PALB2: variants seen among roughly 807,000 people sequenced by gnomAD.
PALB2 encodes the protein mutant partner and localizer of BRCA2.
In PALB2, 82 loss-of-function variants were observed where a neutral mutation model predicts 107.4. The ratio of observed to expected loss-of-function variants is 0.76; its 90% CI spans 0.64 to 0.92. PALB2 has a LOEUF of 0.92. Among genes scored for constraint, PALB2 ranks in the 40% least tolerant of loss-of-function variants. The probability of loss-of-function intolerance (pLI) is 0.00; values close to 1 mark genes in which losing one functional copy is unlikely to be tolerated. For synonymous variants in PALB2, 489 were observed against 496.8 expected, an observed-to-expected ratio of 0.98 and a Z score of 0.21; for missense variants, 1,374 against 1,379.9, an observed-to-expected ratio of 1.00 and a Z score of 0.07.
chr16:23,639,474 C>T lies in PALB2; in HGVS notation c.49-1345G>A, dbSNP rs1003728916. ...CGGAGGTTGCAGTGGGCCTAGATCA[C>T]GCCACTGCACTCCAGCCTGGGCAAC... On this transcript the variant is annotated intron_variant, in intron 1 of 12. Transcript: ENST00000261584. Among the ~76,000 whole-genome samples, 3 of 142,152 alleles carry T rather than the reference C, an allele frequency of 2.1e-5. No homozygotes were observed. In the South Asian group the frequency reaches 6.8e-4, roughly 32 times the overall value. The allele number at this position is 142,152 out of a possible 152,430, so 93.3% of individuals were successfully genotyped here. A position where few individuals can be genotyped will look rare whatever the true frequency, so the allele number is the denominator to read the frequency against.
chr16:23,607,176 T>A (rs547230476), intron 12 of PALB2: 2 of 152,464 alleles, frequency 1.3e-5, no homozygotes, highest in Non-Finnish European at 1.5e-5. Context: ...TCAGTCAGAT[T>A]TCAAAGTAAA....
In PALB2 at chr16:23,623,839, A is replaced by G. The variant is rs1220142699; in HGVS notation, c.2834+170T>C. ...CAGCCTAGGTTCACATTTTAAATAGAAACTTCAGTCAGGGATGTCATTCTA... is the reference window on the plus strand; with the variant it reads ...CAGCCTAGGTTCACATTTTAAATAGGAACTTCAGTCAGGGATGTCATTCTA... On this transcript the variant is annotated intron_variant, in intron 8 of 12. Coordinates refer to ENST00000261584, the MANE Select transcript of PALB2 (RefSeq NM_024675.4). 4.8e-6 allele frequency: 3 copies of G among 624,054 alleles called. No homozygotes were observed. In the African/African-American group the frequency reaches 5.5e-5, roughly 12 times the overall value. 38.7% of individuals were successfully genotyped at this position (624,054 alleles called of 1,614,324 possible). A position where few individuals can be genotyped will look rare whatever the true frequency, so the allele number is the denominator to read the frequency against.
chr16:23,638,136 GAAGA>G lies in PALB2; in HGVS notation c.49-11_49-8del. On this transcript the variant is annotated splice_polypyrimidine_tract_variant and splice_region_variant and intron_variant, in intron 1 of 12. Transcript: ENST00000261584. ...ATGCTAATTTCTCCTTTAACTGGAAGAAGAAAAACACCAACAATACTGGGCAAGT... is the reference window on the plus strand; with the variant it reads ...ATGCTAATTTCTCCTTTAACTGGAAGAAAACACCAACAATACTGGGCAAGT... 1 of 1,612,458 alleles carries G rather than the reference GAAGA, an allele frequency of 6.2e-7. No homozygotes were observed. The highest frequency in any genetic ancestry group is 8.5e-7 in the Non-Finnish European group (1 of 1,178,466).
At chr16:23,620,795 G>A (rs954563902) in intron 10 of PALB2, among the ~76,000 whole-genome samples, 6 of 152,312 alleles carry the variant, frequency 3.9e-5, no homozygotes, top group Admixed American at 2.0e-4. Context: ...CAATCAGGCC[G>A]GGCGCAGTGG....
chr16:23,634,058 A>G (rs1443253102), intron 4 of PALB2, among the ~76,000 whole-genome samples: 1 of 152,144 alleles, frequency 6.6e-6, no homozygotes. Context: ...AACACTTTCT[A>G]TGTTAGCTGT....
chr16:23,622,997 C>A lies in PALB2; in HGVS notation c.2968G>T (p.Glu990Ter), dbSNP rs876659036. 6.2e-7 allele frequency: 1 copy of A among 1,614,158 alleles called. No homozygotes were observed. The highest frequency in any genetic ancestry group is 2.2e-5 in the East Asian group (1 of 44,882). Reference sequence around the variant, plus strand: ...CCATCTTCTGCAAACGTCATGACTTCTACTTGTTGATCAGAAAGGGTCCCA... The same window carrying A: ...CCATCTTCTGCAAACGTCATGACTTATACTTGTTGATCAGAAAGGGTCCCA... ...SSGTLSDQQV[E>*]VMTFAEDGGG... The change falls in exon 9 of 13, where the codon GAA becomes TAA. Residue 990 changes from glutamate to a stop codon, truncating the protein, a stop_gained. Coordinates refer to ENST00000261584, the MANE Select transcript of PALB2 (RefSeq NM_024675.4). LOFTEE classifies it high-confidence loss of function.
chr16:23,623,216 T>C (rs1309893838), intron 8 of PALB2, 86 bp from the exon 9 acceptor site: 1 of 1,284,564 alleles, frequency 7.8e-7, no homozygotes, highest in Admixed American at 2.2e-5. Flanking sequence ...TTTTTTTTTT[T>C]TTTTTGAGAC....
At chr16:23,637,372 G>GA (rs1967087780) in intron 3 of PALB2, among the ~76,000 whole-genome samples, 1 of 152,006 alleles carries the variant, frequency 6.6e-6, no homozygotes, top group African/African-American at 2.4e-5. Flanking sequence ...TGAAAATAGA[G>GA]ACTATAGATT....
chr16:23,636,084 T>A lies in PALB2; in HGVS notation c.462A>T (p.Thr154=), dbSNP rs1057522196. ...PSRRKKQQKR[T]FISQERDCVF... The stretch of plus-strand genomic sequence containing the variant: ...CACAGTCTCTCTCCTGTGAAATAAA[T>A]GTCCTCTTCTGCTGCTTCTTTCTTC... Residue 154 remains threonine (T), a synonymous_variant, in exon 4 of 13, where the codon ACA becomes ACT. Coordinates refer to ENST00000261584, the MANE Select transcript of PALB2 (RefSeq NM_024675.4). 1 of 1,613,978 alleles carries A rather than the reference T, an allele frequency of 6.2e-7. No homozygotes were observed. The highest frequency in any genetic ancestry group is 8.5e-7 in the Non-Finnish European group (1 of 1,179,984).
intron 11 of PALB2, among the ~76,000 whole-genome samples, chr16:23,611,561 C>A (rs975140107): frequency 6.6e-6 from 1 of 151,856 alleles, no homozygotes; most frequent in Admixed American, 6.6e-5. Context: ...TGGGTTCAAG[C>A]AATTCTCCTG....
rs1597089741 is a variant in PALB2, at chr16:23,629,933, CT to C, written c.2220del (p.Gly741AlafsTer23). 6.2e-7 allele frequency: 1 copy of C among 1,614,162 alleles called. No homozygotes were observed. The highest frequency in any genetic ancestry group is 8.5e-7 in the Non-Finnish European group (1 of 1,180,030). On this transcript the variant is annotated frameshift_variant, in exon 5 of 13. Transcript: ENST00000261584. LOFTEE classifies it high-confidence loss of function. ...TCTGTAGATGCTTTTTCATAGGAGC[CT>C]TGAGGGCCAAAGGCTGGAGTAGTAC... Reference protein sequence around the residue: ...ILGTTPAFGPQGSYEKASTEV... With the variant: ...ILGTTPAFGPXGSYEKASTEV...
At chr16:23,640,936 C>A (rs1363741664) in intron 1 of PALB2, 174 bp downstream of exon 1, 1 of 696,736 alleles carries the variant, frequency 1.4e-6, no homozygotes, top group East Asian at 2.7e-5. Context: ...AACGCCACCA[C>A]GTGAGCACCA....
chr16:23,641,088 G>A (rs1305089521), intron 1 of PALB2, 22 bp downstream of exon 1: 4 of 1,612,018 alleles, frequency 2.5e-6, no homozygotes, highest in Non-Finnish European at 3.4e-6. Flanking sequence ...TCCTGCGTCC[G>A]CCCTTCCCGC....
chr16:23,604,664 G>A, intron 12 of PALB2, among the ~76,000 whole-genome samples: 1 of 152,160 alleles, frequency 6.6e-6, no homozygotes, highest in Admixed American at 6.5e-5. Context: ...TACTCGGGAG[G>A]CTGAAGCACA....
chr16:23,636,875 A>T (rs1367444720), intron 3 of PALB2, among the ~76,000 whole-genome samples: 1 of 152,194 alleles, frequency 6.6e-6, no homozygotes, highest in Non-Finnish European at 1.5e-5. Flanking sequence ...AATTACTTGA[A>T]TGTAAACATC....
intron 10 of PALB2, among the ~76,000 whole-genome samples, chr16:23,618,779 G>C (rs1966725480): frequency 6.6e-6 from 1 of 152,096 alleles, no homozygotes; most frequent in Non-Finnish European, 1.5e-5. Context: ...TGAAGGTGTG[G>C]ACTATGGAAA....
At chr16:23,623,881 C>G (rs1966820270) in intron 8 of PALB2, 128 bp downstream of exon 8, 1 of 698,166 alleles carries the variant, frequency 1.4e-6, no homozygotes, top group Non-Finnish European at 2.5e-6. Context: ...TTTTTTTAAA[C>G]AAATCTCTCT....
chr16:23,637,356 T>C (rs1967087302), intron 3 of PALB2, among the ~76,000 whole-genome samples: 1 of 151,982 alleles, frequency 6.6e-6, no homozygotes, highest in African/African-American at 2.4e-5. Flanking sequence ...GAATAAACAG[T>C]CTAACTGAAA....
At position 23,621,522 on chromosome 16, in the gene PALB2, C is replaced by T. The variant is rs754511452; in HGVS notation, c.2997-44G>A. The T allele has an allele frequency of 1.1e-5, 14 of 1,244,560 alleles. No homozygotes were observed. In the Admixed American group the frequency reaches 1.3e-4, roughly 12 times the overall value. 77.1% of individuals were successfully genotyped at this position (1,244,560 alleles called of 1,614,324 possible). Reference sequence around the variant, plus strand: ...GAAAAGTCAGTACTTTGCACTAAAGCAGTCTCTAGGTAGCCCTTCTCCGCA... The same window carrying T: ...GAAAAGTCAGTACTTTGCACTAAAGTAGTCTCTAGGTAGCCCTTCTCCGCA... On this transcript the variant is annotated intron_variant, in intron 9 of 12. Coordinates refer to ENST00000261584, the MANE Select transcript of PALB2 (RefSeq NM_024675.4).
Sources: gnomAD v4.1 joint callset for allele counts (sites outside exome capture counted in the v4.1 genomes callset) on GRCh38, gnomAD v4.1.1 for gene constraint, MANE v1.5 for transcripts, NCBI Gene and HGNC (gene_info 2026-07-23, HGNC 2026-07-21) for gene names.